RFC1: variants seen among roughly 807,000 people sequenced by gnomAD.
RFC1 encodes replication factor C subunit 1, also known as A1 140 kDa subunit.
RFC1 carries 37 observed loss-of-function variants against 137.4 expected under a neutral mutation model. The observed-to-expected ratio is 0.27, with a 90% CI of 0.21 to 0.35. RFC1 has a LOEUF of 0.35. RFC1 is among the 10% of genes least tolerant of loss of function. The pLI is 1.00. For synonymous variants in RFC1, 429 were observed against 455.7 expected (o/e 0.94, Z 0.75); for missense variants, 1,205 against 1,358.5 (o/e 0.89, Z 1.78).
chr4:39,336,956 C>T (rs1239480910), intron 4 of RFC1, among the ~76,000 whole-genome samples: 1 of 151,918 alleles, frequency 6.6e-6, no homozygotes, highest in Non-Finnish European at 1.5e-5. Flanking sequence ...ATAAATCTAT[C>T]AAATTTATAG....
intron 1 of RFC1, among the ~76,000 whole-genome samples, chr4:39,352,345 T>G (rs1195042667): frequency 6.6e-6 from 1 of 152,244 alleles, no homozygotes; most frequent in Non-Finnish European, 1.5e-5. Flanking sequence ...CAATATGCTC[T>G]TTAATTACCC....
intron 19 of RFC1, 48 bp downstream of exon 19, chr4:39,302,230 A>C: frequency 8.8e-7 from 1 of 1,139,956 alleles, no homozygotes. Flanking sequence ...ACAGAACAAG[A>C]AGTGTTTTGG....
intron 4 of RFC1, among the ~76,000 whole-genome samples, chr4:39,329,184 A>C: frequency 6.7e-6 from 1 of 148,584 alleles, no homozygotes; most frequent in East Asian, 2.0e-4. Flanking sequence ...AACAAAAGAA[A>C]TCCAATAAAA....
intron 1 of RFC1, among the ~76,000 whole-genome samples, chr4:39,351,987 A>G (rs1741230489): frequency 6.6e-6 from 1 of 151,886 alleles, no homozygotes; most frequent in African/African-American, 2.4e-5. Flanking sequence ...AAAAAAAAGA[A>G]TAATTTGTCT....
intron 6 of RFC1, among the ~76,000 whole-genome samples, chr4:39,326,015 C>T (rs1033258355): frequency 3.3e-5 from 5 of 152,154 alleles, no homozygotes; most frequent in African/African-American, 7.2e-5. Flanking sequence ...GCCTGGCCAA[C>T]ATGGTGAAAC....
intron 3 of RFC1, among the ~76,000 whole-genome samples, chr4:39,343,424 AATTAGGCTGTGGATATCTTTTGGGGGC>A (rs1225815539): frequency 2.0e-5 from 3 of 152,190 alleles, no homozygotes; most frequent in Non-Finnish European, 4.4e-5. Flanking sequence ...AGGTTCTAGG[AATTAGGCTGTGGATATCTTTTGGGGGC>A]ATTATTCTGT....
At chr4:39,332,080 C>T (rs1367485210) in intron 4 of RFC1, among the ~76,000 whole-genome samples, 1 of 152,198 alleles carries the variant, frequency 6.6e-6, no homozygotes, top group Non-Finnish European at 1.5e-5. Context: ...TTGAGACGTG[C>T]CTTTCACCTT....
chr4:39,321,439 T>C, intron 7 of RFC1, 65 bp from the exon 8 acceptor site: 1 of 1,474,126 alleles, frequency 6.8e-7, no homozygotes, highest in Non-Finnish European at 9.3e-7. Context: ...TAAAATCTGT[T>C]GTTAAAATCC....
chr4:39,311,629 G>C, intron 11 of RFC1, 80 bp from the exon 12 acceptor site: 1 of 1,006,454 alleles, frequency 9.9e-7, no homozygotes, highest in East Asian at 2.7e-5. Flanking sequence ...AAAAATTCTA[G>C]GGCCTATTAG....
chr4:39,365,153 GAAAAAAAAAA>G (rs745527928), intron 1 of RFC1, among the ~76,000 whole-genome samples: 3 of 79,882 alleles, frequency 3.8e-5, no homozygotes, highest in Non-Finnish European at 6.9e-5. Context: ...GGGTTGAAAT[GAAAAAAAAAA>G]AAAAAAAAAA....
Position 39,288,739 on chromosome 4 carries a change from C to T in RFC1, c.*22G>A, listed in dbSNP as rs748653875. 3.3e-6 allele frequency: 5 copies of T among 1,511,778 alleles called. No individual in the cohort carries two copies. The African/African-American group carries it at 5.5e-5, about 17-fold the overall frequency. 93.6% of individuals were successfully genotyped at this position (1,511,778 alleles called of 1,614,324 possible). On this transcript the variant is annotated 3_prime_UTR_variant, in exon 25 of 25. Coordinates refer to ENST00000349703, the MANE Select transcript of RFC1 (RefSeq NM_002913.5). ...GGTCAGGAGGGAGAGTAAAAAGTGG[C>T]TGTCGCTAGTGAAAAATGGTTTCAT...
At position 39,342,400 on chromosome 4, in the gene RFC1, A is replaced by G. The variant is rs780822101; in HGVS notation, c.276T>C (p.Ser92=). 6.2e-7 allele frequency: 1 copy of G among 1,613,528 alleles called. No homozygotes were observed. Among genetic ancestry groups the G allele is most frequent in the Non-Finnish European group, 8.5e-7 (1 of 1,179,688 alleles). ...AKKPPEKLPV[S]SKPGKISRQD... is the part of the protein sequence containing the mutation. Reference sequence around the variant, plus strand: ...GCCGTGAAATTTTACCAGGTTTAGAAGATACTGGCAGTTTTTCTGGTGGCT... The same window carrying G: ...GCCGTGAAATTTTACCAGGTTTAGAGGATACTGGCAGTTTTTCTGGTGGCT... The change falls in exon 4 of 25, where the codon TCT becomes TCC. Residue 92 remains serine, a synonymous_variant. Transcript: ENST00000349703.
intron 13 of RFC1, among the ~76,000 whole-genome samples, chr4:39,308,018 C>T (rs1474538767): frequency 1.3e-5 from 2 of 152,154 alleles, no homozygotes; most frequent in African/African-American, 4.8e-5. Context: ...TCACTCTCCA[C>T]GACAAATAAT....
intron 1 of RFC1, among the ~76,000 whole-genome samples, chr4:39,360,556 AATAC>A (rs1223513878): frequency 6.6e-6 from 1 of 150,392 alleles, no homozygotes; most frequent in African/African-American, 2.4e-5. Flanking sequence ...AAATAAAATA[AATAC>A]AATAAAATAA....
chr4:39,335,615 G>A (rs1331829134), intron 4 of RFC1, among the ~76,000 whole-genome samples: 1 of 152,140 alleles, frequency 6.6e-6, no homozygotes, highest in Non-Finnish European at 1.5e-5. Context: ...CGAGTCCACT[G>A]GAATGCCTAA....
chr4:39,289,175 G>C (rs1237547784), intron 24 of RFC1, among the ~76,000 whole-genome samples: 1 of 152,218 alleles, frequency 6.6e-6, no homozygotes, highest in Admixed American at 6.5e-5. Flanking sequence ...ATAGGGTAAT[G>C]TTTAGATGAA....
chr4:39,302,345 C>G lies in RFC1; in HGVS notation c.2468G>C (p.Arg823Pro). 1 of 1,613,028 alleles carries G rather than the reference C, an allele frequency of 6.2e-7. No individual in the cohort carries two copies. The highest frequency in any genetic ancestry group is 1.1e-5 in the South Asian group (1 of 91,052). ...VLHNLSMWCA[R>P]SKALTYDQAK... ...CTGGTCATAGGTTAATGCTTTACTT[C>G]GTGCACACCACATACTCAGATTATG... The change falls in exon 19 of 25, where the codon CGA becomes CCA. Residue 823 changes from arginine (R) to proline (P), a missense_variant. Physicochemically the swap from Arg to Pro is moderately radical, Grantham distance 103. This residue lies in a region of RFC1 where 962 missense variants were observed against 1,035.3 expected (regional missense o/e 0.93). Coordinates refer to ENST00000349703, the MANE Select transcript of RFC1 (RefSeq NM_002913.5).
chr4:39,351,311 A>C, intron 2 of RFC1, 37 bp downstream of exon 2: 1 of 1,206,408 alleles, frequency 8.3e-7, no homozygotes, highest in Non-Finnish European at 1.1e-6. Flanking sequence ...TTTATTTTAC[A>C]TTTCATTCAA....
intron 10 of RFC1, among the ~76,000 whole-genome samples, chr4:39,314,986 C>T (rs572100686): frequency 8.6e-4 from 131 of 152,268 alleles, no homozygotes; most frequent in Middle Eastern, 6.8e-3. Flanking sequence ...AAATCTCCCC[C>T]TAAATTCCAC....
Sources: allele counts gnomAD v4.1 joint callset (sites outside exome capture counted in the v4.1 genomes callset), GRCh38; gene constraint gnomAD v4.1.1; regional missense constraint gnomAD v4.1.1; transcripts MANE v1.5; gene names NCBI Gene and HGNC (gene_info 2026-07-23, HGNC 2026-07-21).